The following LEMD1 variants were observed in gnomAD, a reference collection of about 807,000 sequenced individuals.
LEMD1 encodes the protein LEM domain-containing protein 1.
In LEMD1, 18 loss-of-function variants were observed where a neutral mutation model predicts 17.4. The observed-to-expected ratio is 1.04, with a 90% CI of 0.72 to 1.54. The LOEUF (loss-of-function observed/expected upper bound fraction) is 1.54. Ranked by LOEUF, LEMD1 falls within the 40% of genes most tolerant of loss-of-function variation. LEMD1 has a pLI of 0.00. For synonymous variants in LEMD1, 88 were observed against 77.8 expected (o/e 1.13, Z -0.69); for missense variants, 195 against 210.4 (o/e 0.93, Z 0.45).
chr1:205,413,856 G>A (rs1179589609), intron 4 of LEMD1, among the ~76,000 whole-genome samples: 1 of 151,756 alleles, frequency 6.6e-6, no homozygotes, highest in East Asian at 1.9e-4. Flanking sequence ...GTTTCGCCAT[G>A]TTAGCCAGAC....
intron 1 of LEMD1, among the ~76,000 whole-genome samples, chr1:205,433,190 T>C (rs1666151456): frequency 1.3e-5 from 2 of 152,060 alleles, no homozygotes; most frequent in Admixed American, 1.3e-4. Flanking sequence ...TGGCCAGGCA[T>C]GGTGGCTCAC....
chr1:205,406,479 C>T (rs1328343751), intron 4 of LEMD1, among the ~76,000 whole-genome samples: 4 of 152,232 alleles, frequency 2.6e-5, no homozygotes, highest in African/African-American at 7.2e-5. Flanking sequence ...TAGCAATCAG[C>T]GAGACTCTGT....
chr1:205,403,355 A>G (rs1664942301), intron 4 of LEMD1, among the ~76,000 whole-genome samples: 2 of 152,240 alleles, frequency 1.3e-5, no homozygotes, highest in East Asian at 1.9e-4. Flanking sequence ...TTGGTAAGCT[A>G]TTGATTATTG....
chr1:205,429,118 T>G (rs1234081357), intron 1 of LEMD1, among the ~76,000 whole-genome samples: 1 of 152,236 alleles, frequency 6.6e-6, no homozygotes, highest in Admixed American at 6.5e-5. Context: ...CAAGTGATCA[T>G]CACCACCATC....
intron 3 of LEMD1, 116 bp downstream of exon 3, chr1:205,419,114 G>T: frequency 1.7e-6 from 2 of 1,179,622 alleles, no homozygotes; most frequent in Non-Finnish European, 2.4e-6. Context: ...GTGCAAAGAG[G>T]CCCTATGGCT....
At chr1:205,407,648 A>G (rs1271378289) in intron 4 of LEMD1, among the ~76,000 whole-genome samples, 1 of 152,160 alleles carries the variant, frequency 6.6e-6, no homozygotes, top group East Asian at 1.9e-4. Flanking sequence ...CTGGTAAGGA[A>G]AGAGCACTCC....
intron 4 of LEMD1, among the ~76,000 whole-genome samples, chr1:205,413,850 C>T (rs527719044): frequency 1.3e-5 from 2 of 151,982 alleles, no homozygotes; most frequent in African/African-American, 4.8e-5. Flanking sequence ...GACAGGGTTT[C>T]GCCATGTTAG....
intron 3 of LEMD1, among the ~76,000 whole-genome samples, chr1:205,417,311 T>G (rs1322295806): frequency 6.6e-6 from 1 of 152,132 alleles, no homozygotes; most frequent in Admixed American, 6.6e-5. Context: ...AAGGACCAAT[T>G]TTCTCCTAGC....
At chr1:205,419,760 C>G (rs1304912938) in intron 2 of LEMD1, among the ~76,000 whole-genome samples, 1 of 152,178 alleles carries the variant, frequency 6.6e-6, no homozygotes, top group African/African-American at 2.4e-5. Context: ...GCCACTGCGC[C>G]CTGCCCAATT....
intron 4 of LEMD1, among the ~76,000 whole-genome samples, chr1:205,413,735 C>T (rs1173314326): frequency 6.6e-6 from 1 of 151,010 alleles, no homozygotes; most frequent in African/African-American, 2.4e-5. Context: ...TCATTGCAAC[C>T]TCTGCCTCCC....
chr1:205,384,247 C>T (rs755571059), intron 5 of LEMD1, 41 bp downstream of exon 5: 3 of 1,214,010 alleles, frequency 2.5e-6, no homozygotes, highest in Middle Eastern at 1.9e-4. Context: ...CTACAGAATA[C>T]AATAATATCA....
At position 205,448,364 on chromosome 1, in the gene LEMD1, C is replaced by T. The variant is rs1666439009; in HGVS notation, c.-39+1504G>A. On this transcript the variant is annotated intron_variant, in intron 1 of 3. Transcript: ENST00000367154. This position sits in a 1 kb window ranked among gnomAD's most constrained non-coding sequence, Gnocchi z 4.7. ...CTACATGAGTTTGGGACAGCAATCA[C>T]ATAGGAATGAAAAGCCATAGGCCAC... is the stretch of plus-strand genomic sequence containing the variant. The T allele has an allele frequency of 1.9e-6, 1 of 534,476 alleles. No individual in the cohort carries two copies. The allele number at this position is 534,476 out of a possible 1,614,324, so 33.1% of individuals were successfully genotyped here. A position where few individuals can be genotyped will look rare whatever the true frequency, so the allele number is the denominator to read the frequency against.
At chr1:205,423,171 GGT>G (rs1234997846), upstream of LEMD1, among the ~76,000 whole-genome samples, 1 of 152,142 alleles carries the variant, frequency 6.6e-6, no homozygotes, top group African/African-American at 2.4e-5. Flanking sequence ...AACGTCTTTG[GGT>G]GGGTGGTTAT....
intron 4 of LEMD1, among the ~76,000 whole-genome samples, chr1:205,406,113 A>C (rs1434610000): frequency 2.1e-5 from 3 of 142,336 alleles, no homozygotes; most frequent in African/African-American, 7.5e-5. Context: ...GTCTGCCCCT[A>C]CTGGGGGGTG....
At chr1:205,419,873 G>A (rs1487619605) in intron 2 of LEMD1, among the ~76,000 whole-genome samples, 5 of 152,122 alleles carry the variant, frequency 3.3e-5, no homozygotes, top group African/African-American at 1.2e-4. Context: ...TCAGGCATTG[G>A]ACACATCTGA....
rs201156349 is a variant in LEMD1 at position 205,396,046 on chromosome 1, C to T, written c.271-11682G>A. Among the ~76,000 whole-genome samples the T allele has an allele frequency of 3.3e-5, 5 of 152,072 alleles. No homozygotes were observed. In the East Asian group the frequency reaches 7.7e-4, roughly 23 times the overall value. ...TTTTTAAGACAGGATCTTGCTCTGT[C>T]GCCCAGGCTAGAATGCAGTGGCAGG... On this transcript the variant is annotated intron_variant, in intron 4 of 5. Transcript: ENST00000367153.
intron 4 of LEMD1, chr1:205,386,895 A>G (rs924716270): frequency 2.0e-5 from 3 of 152,218 alleles, no homozygotes; most frequent in Non-Finnish European, 4.4e-5. Flanking sequence ...AATCATTTAT[A>G]AGCAAATTCT....
intron 4 of LEMD1, among the ~76,000 whole-genome samples, chr1:205,394,579 T>C (rs1362889807): frequency 3.3e-5 from 5 of 152,052 alleles, no homozygotes; most frequent in Admixed American, 6.5e-5. Context: ...GAGATGAAGT[T>C]TTGCCATGTT....
chr1:205,401,423 T>C (rs1405170556), intron 4 of LEMD1, among the ~76,000 whole-genome samples: 1 of 152,226 alleles, frequency 6.6e-6, no homozygotes, highest in Non-Finnish European at 1.5e-5. Context: ...ATTGTGGTTT[T>C]GATTTGCATT....
Sources: allele counts gnomAD v4.1 joint callset (sites outside exome capture counted in the v4.1 genomes callset), GRCh38; gene constraint gnomAD v4.1.1; non-coding constraint Gnocchi (gnomAD v3.1); transcripts MANE v1.5; gene names NCBI Gene and HGNC (gene_info 2026-07-23, HGNC 2026-07-21).